Variants in MRPS25 observed in about 807,000 individuals in gnomAD.
MRPS25 encodes mitochondrial ribosomal protein S25, also known as small ribosomal subunit protein mS25.
Under a neutral mutation model 17.3 loss-of-function variants are expected in MRPS25, and 15 were observed. That is an observed-to-expected ratio of 0.87 (90% CI 0.58 to 1.34). MRPS25 has a LOEUF of 1.34. Ranked by LOEUF, MRPS25 falls within the 40% of genes most tolerant of loss-of-function variation. The probability of loss-of-function intolerance (pLI) is 0.00; values close to 1 mark genes in which losing one functional copy is unlikely to be tolerated. For synonymous variants in MRPS25, 94 were observed against 83.3 expected (o/e 1.13, Z -0.70); for missense variants, 225 against 218.6 (o/e 1.03, Z -0.19).
Position 15,059,407 on chromosome 3 carries a change from T to C in MRPS25, c.203A>G (p.Lys68Arg). The change falls in exon 2 of 4, where the codon AAG (lysine) becomes AGG (arginine). Residue 68 changes from lysine (K) to arginine (R), a missense_variant. Lys to Arg is a conservative substitution (Grantham distance 26, BLOSUM62 2). Transcript: ENST00000253686. ...KNPWVQIMMF[K>R]NMTPSPFLRF... ...CAGGAAGGGTGACGGCGTCATGTTC[T>C]TAAACATCATGATCTGCACCCAAGG... The C allele has an allele frequency of 6.2e-7, 1 of 1,613,798 alleles. No homozygotes were observed. The highest frequency in any genetic ancestry group is 1.1e-5 in the South Asian group (1 of 91,026).
chr3:15,064,833 G>A (rs1392334437), intron 1 of MRPS25, among the ~76,000 whole-genome samples: 2 of 152,216 alleles, frequency 1.3e-5, no homozygotes, highest in East Asian at 1.9e-4. Flanking sequence ...CCAGGAGTGG[G>A]GTTCTTGTCC....
Position 15,060,494 on chromosome 3 carries a change from C to T in MRPS25, c.135-1019G>A, listed in dbSNP as rs115773138. Among the ~76,000 whole-genome samples, 928 of 137,216 alleles carry T rather than the reference C, an allele frequency of 6.8e-3. 15 individuals are homozygous for T. Among genetic ancestry groups the T allele is most frequent in the African/African-American group, 0.024 (867 of 36,090 alleles). 90.0% of individuals were successfully genotyped at this position (137,216 alleles called of 152,430 possible). A position where few individuals can be genotyped will look rare whatever the true frequency, so the allele number is the denominator to read the frequency against. On this transcript the variant is annotated intron_variant, in intron 1 of 3. Transcript: ENST00000253686. Reference sequence around the variant, plus strand: ...TGATTGCACCACATTCCAGTCTAGGCGACAGAGCAAGGTCCTCTCTCAAAA... The same window carrying T: ...TGATTGCACCACATTCCAGTCTAGGTGACAGAGCAAGGTCCTCTCTCAAAA...
chr3:15,055,925 A>C (rs1010252892), intron 2 of MRPS25, among the ~76,000 whole-genome samples: 1 of 151,430 alleles, frequency 6.6e-6, no homozygotes, highest in Non-Finnish European at 1.5e-5. Flanking sequence ...TTAATGGAAA[A>C]GCTTCAGGCC....
At chr3:15,063,920 G>A (rs959208208) in intron 1 of MRPS25, among the ~76,000 whole-genome samples, 2 of 151,996 alleles carry the variant, frequency 1.3e-5, no homozygotes, top group Non-Finnish European at 2.9e-5. Context: ...GTATCTGGGT[G>A]CCCATACACC....
At position 15,065,034 on chromosome 3, in the gene MRPS25, C is replaced by T. The variant is rs769939073; in HGVS notation, c.134+27G>A. On this transcript the variant is annotated intron_variant, in intron 1 of 3. Coordinates refer to ENST00000253686, the MANE Select transcript of MRPS25 (RefSeq NM_022497.5). ...CTGGCACGACTAGCAGGTTACGGCT[C>T]GCCAGGCGGCCGGGGCTGCGACTGA... 1.9e-6 allele frequency: 3 copies of T among 1,556,020 alleles called. No individual in the cohort carries two copies. The South Asian group carries it at 3.5e-5, about 18-fold the overall frequency.
At chr3:15,065,033 T>C (rs2042834374) in intron 1 of MRPS25, 28 bp downstream of exon 1, 2 of 1,554,806 alleles carry the variant, frequency 1.3e-6, no homozygotes, top group South Asian at 2.4e-5. Context: ...AGGTTACGGC[T>C]CGCCAGGCGG....
downstream of MRPS25, among the ~76,000 whole-genome samples, chr3:15,042,276 G>A (rs2042297478): frequency 6.6e-6 from 1 of 152,112 alleles, no homozygotes; most frequent in South Asian, 2.1e-4. Flanking sequence ...TATTTATAAT[G>A]CTAAATGAAC....
rs2042804290 is a variant in MRPS25, at chr3:15,063,260, AATTCACCCT to A, written c.134+1792_134+1800del. Among the ~76,000 whole-genome samples the A allele has an allele frequency of 7.9e-5, 12 of 152,280 alleles. No individual in the cohort carries two copies. The South Asian group carries it at 2.5e-3, about 32-fold the overall frequency. On this transcript the variant is annotated intron_variant, in intron 1 of 3. Transcript: ENST00000253686. ...CGATCACACTGTTCTGTCACCATCA[AATTCACCCT>A]GAGGCTTGGGGACCACTTGTTCAGG...
chr3:15,056,041 G>A (rs1265337129), intron 2 of MRPS25, among the ~76,000 whole-genome samples: 2 of 151,966 alleles, frequency 1.3e-5, no homozygotes, highest in East Asian at 1.9e-4. Flanking sequence ...GTGAAACCCC[G>A]TCTCTACTAA....
downstream of MRPS25, chr3:15,046,136 G>C (rs1264629509): frequency 6.6e-6 from 1 of 152,222 alleles, no homozygotes; most frequent in Non-Finnish European, 1.5e-5. Flanking sequence ...TGACATTTCT[G>C]TGTCCTGAGG....
rs1474266685 is a variant in MRPS25 at position 15,050,954 on chromosome 3, T to G, written c.*1487A>C. 1.0e-6 allele frequency: 1 copy of G among 985,296 alleles called. No homozygotes were observed. The highest frequency in any genetic ancestry group is 6.1e-5 in the Admixed American group (1 of 16,266). The allele number at this position is 985,296 out of a possible 1,614,324, so 61.0% of individuals were successfully genotyped here. On this transcript the variant is annotated 3_prime_UTR_variant, in exon 4 of 4. Coordinates refer to ENST00000253686, the MANE Select transcript of MRPS25 (RefSeq NM_022497.5). The stretch of plus-strand genomic sequence containing the variant: ...CTTCATGTGGCAGAAAAGGTAACCT[T>G]TTCCCCATTTTACAGACAAAACCAG...
downstream of MRPS25, chr3:15,047,800 T>TCTAA (rs2042508377): frequency 6.6e-6 from 1 of 152,274 alleles, no homozygotes; most frequent in South Asian, 2.1e-4. Context: ...AAGTTACTTC[T>TCTAA]CTAACTGTAA....
At chr3:15,042,898 C>CT (rs774343392), downstream of MRPS25, 2 of 1,613,744 alleles carry the variant, frequency 1.2e-6, no homozygotes, top group Non-Finnish European at 1.7e-6. Flanking sequence ...AACAGAAGAA[C>CT]TTTTTTTTAC....
chr3:15,056,354 G>T (rs1313702087), intron 2 of MRPS25, among the ~76,000 whole-genome samples: 5 of 152,184 alleles, frequency 3.3e-5, no homozygotes, highest in Admixed American at 2.6e-4. Flanking sequence ...AAATTTAAAA[G>T]ACAATTTGGT....
At chr3:15,042,588 TGAG>T (rs1434951672), downstream of MRPS25, 13 of 366,706 alleles carry the variant, frequency 3.5e-5, no homozygotes, top group Non-Finnish European at 4.9e-5. Context: ...GTGGTGGGGG[TGAG>T]GAGAGTTGGA....
intron 1 of MRPS25, among the ~76,000 whole-genome samples, chr3:15,062,115 C>T (rs1209353852): frequency 7.1e-6 from 1 of 140,086 alleles, no homozygotes; most frequent in Non-Finnish European, 1.6e-5. Context: ...CCCGGCCAGC[C>T]GCCCCATCCG....
Position 15,052,383 on chromosome 3 carries a change from C to A in MRPS25, c.*58G>T. On this transcript the variant is annotated 3_prime_UTR_variant, in exon 4 of 4. Coordinates refer to ENST00000253686, the MANE Select transcript of MRPS25 (RefSeq NM_022497.5). Reference sequence around the variant, plus strand: ...GGGCTTCCCTGGGCCAAAGTAATCCCATTCCAATCTCCCCACTGGTCAGAC... The same window carrying A: ...GGGCTTCCCTGGGCCAAAGTAATCCAATTCCAATCTCCCCACTGGTCAGAC... 6.4e-7 allele frequency: 1 copy of A among 1,561,318 alleles called. No individual in the cohort carries two copies. The highest frequency in any genetic ancestry group is 8.7e-7 in the Non-Finnish European group (1 of 1,151,398).
Position 15,051,755 on chromosome 3 carries a change from C to G in MRPS25, c.*686G>C. On this transcript the variant is annotated 3_prime_UTR_variant, in exon 4 of 4. Transcript: ENST00000253686. ...CTCATTTCCTCCATGGCCTACAAAC[C>G]TCCCTGCTAATGCACACAGTGGCTG... 1 of 985,520 alleles carries G rather than the reference C, an allele frequency of 1.0e-6. No individual in the cohort carries two copies. The highest frequency in any genetic ancestry group is 1.2e-6 in the Non-Finnish European group (1 of 830,022). The allele number at this position is 985,520 out of a possible 1,614,324, so 61.0% of individuals were successfully genotyped here.
At chr3:15,046,665 T>C (rs1457983677), downstream of MRPS25, 1 of 152,408 alleles carries the variant, frequency 6.6e-6, no homozygotes, top group Non-Finnish European at 1.5e-5. Flanking sequence ...TAAATGACTT[T>C]ATGTGCAATG....
Sources: allele counts gnomAD v4.1 joint callset (sites outside exome capture counted in the v4.1 genomes callset), GRCh38; gene constraint gnomAD v4.1.1; transcripts MANE v1.5; gene names NCBI Gene and HGNC (gene_info 2026-07-23, HGNC 2026-07-21).